ZNF324: variants seen among roughly 807,000 people sequenced by gnomAD.
ZNF324 encodes zinc finger protein 324A.
ZNF324 carries 3 observed loss-of-function variants against 10.3 expected under a neutral mutation model. The ratio of observed to expected loss-of-function variants is 0.29; its 90% confidence interval spans 0.13 to 0.75. The LOEUF (loss-of-function observed/expected upper bound fraction) is 0.75. Ranked by LOEUF, ZNF324 falls within the 30% of genes least tolerant of loss-of-function variation. The probability of loss-of-function intolerance (pLI) is 0.69; values close to 1 mark genes in which losing one functional copy is unlikely to be tolerated. For synonymous variants in ZNF324, 430 were observed against 339.5 expected (o/e 1.27, Z -2.93); for missense variants, 763 against 784.4 (o/e 0.97, Z 0.33).
In ZNF324 at chr19:58,472,440, T is replaced by A. The variant is rs1020499390; in HGVS notation, c.*286T>A. ...TTCAGAGCCAGTAGGAGGCCGACAG[T>A]CACAGCACTGCACTGTGGTGCGGCT... On this transcript the variant is annotated 3_prime_UTR_variant, in exon 4 of 4. Transcript: ENST00000196482. 2.1e-6 allele frequency: 1 copy of A among 478,382 alleles called. No individual in the cohort carries two copies. The highest frequency in any genetic ancestry group is 3.8e-6 in the Non-Finnish European group (1 of 266,618). 29.6% of individuals were successfully genotyped at this position (478,382 alleles called of 1,614,324 possible).
intron 1 of ZNF324, chr19:58,468,256 G>C: frequency 1.0e-6 from 1 of 985,270 alleles, no homozygotes; most frequent in Non-Finnish European, 1.2e-6. Flanking sequence ...GAATTGGACT[G>C]AGGAATGGGC....
At position 58,471,158 on chromosome 19, in the gene ZNF324, C is replaced by T. The variant is rs772337784; in HGVS notation, c.666C>T (p.His222=). ...DLEAAGGRGH[H]RMGAVWQEPH... Reference sequence around the variant, plus strand: ...AGGCTGCCGGCGGTCGGGGACATCACCGAATGGGTGCAGTTTGGCAGGAGC... The same window carrying T: ...AGGCTGCCGGCGGTCGGGGACATCATCGAATGGGTGCAGTTTGGCAGGAGC... The change falls in exon 4 of 4, where the codon CAC becomes CAT. Residue 222 remains histidine, a synonymous_variant. Coordinates refer to ENST00000196482, the MANE Select transcript of ZNF324 (RefSeq NM_014347.3). 16 of 1,613,804 alleles carry T rather than the reference C, an allele frequency of 9.9e-6. No homozygotes were observed. The highest frequency in any genetic ancestry group is 1.2e-5 in the Non-Finnish European group (14 of 1,180,036).
rs537059481 is a variant in ZNF324, at chr19:58,469,770, G to T, written c.164G>T (p.Arg55Leu). 1 of 1,594,204 alleles carries T rather than the reference G, an allele frequency of 6.3e-7. No individual in the cohort carries two copies. Among genetic ancestry groups the T allele is most frequent in the African/African-American group, 1.3e-5 (1 of 74,528 alleles). ...CCTCGTGTGGTCATCCAACTGGAGC[G>T]TGGCGAGGAGCCCTGGGTTCCCAGT... ...SRPRVVIQLERGEEPWVPSGT... is the reference protein window; with the variant it reads ...SRPRVVIQLELGEEPWVPSGT... The change falls in exon 3 of 4, where the codon CGT becomes CTT. Residue 55 changes from arginine to leucine, a missense_variant. By Grantham distance (102) the Arg-to-Leu change is moderately radical. Coordinates refer to ENST00000196482, the MANE Select transcript of ZNF324 (RefSeq NM_014347.3).
At chr19:58,468,427 G>A (rs1421158375) in intron 1 of ZNF324, among the ~76,000 whole-genome samples, 1 of 152,122 alleles carries the variant, frequency 6.6e-6, no homozygotes, top group Non-Finnish European at 1.5e-5. Flanking sequence ...AAGGGATTGA[G>A]TTCCTCTGTG....
chr19:58,471,228 C>A lies in ZNF324; in HGVS notation c.736C>A (p.Leu246Met). Residue 246 changes from leucine (L) to methionine (M), a missense_variant, in exon 4 of 4, where the codon CTG becomes ATG. Physicochemically the swap from Leu to Met is conservative, Grantham distance 15. Coordinates refer to ENST00000196482, the MANE Select transcript of ZNF324 (RefSeq NM_014347.3). The part of the protein sequence containing the change: ...GGQEPSTWDE[L>M]GEALHAGEKS... ...CCAGGAGCCCTCGACCTGGGACGAG[C>A]TGGGCGAGGCTCTTCACGCTGGGGA... 6.2e-7 allele frequency: 1 copy of A among 1,613,608 alleles called. No homozygotes were observed. Among genetic ancestry groups the A allele is most frequent in the Non-Finnish European group, 8.5e-7 (1 of 1,179,938 alleles).
At position 58,471,768 on chromosome 19, in the gene ZNF324, G is replaced by T. The variant is rs761664990; in HGVS notation, c.1276G>T (p.Ala426Ser). 2 of 1,612,820 alleles carry T rather than the reference G, an allele frequency of 1.2e-6. No individual in the cohort carries two copies. Among genetic ancestry groups the T allele is most frequent in the South Asian group, 2.2e-5 (2 of 91,054 alleles). Residue 426 changes from alanine to serine, a missense_variant, in exon 4 of 4, where the codon GCC becomes TCC. Around this residue, in one of 3 missense-constraint regions of ZNF324, gnomAD observed 231 missense variants for 196.0 expected, o/e 1.18. Transcript: ENST00000196482. ...QRVHTGEKPF[A>S]CPQCGRAFSH... ...CGTGCACACAGGCGAGAAGCCCTTC[G>T]CCTGCCCACAGTGCGGCCGCGCCTT...
chr19:58,472,068 GCAT>G lies in ZNF324; in HGVS notation c.1582_1584del (p.Ser528del). The G allele has an allele frequency of 6.2e-7, 1 of 1,603,802 alleles. No homozygotes were observed. Among genetic ancestry groups the G allele is most frequent in the South Asian group, 1.1e-5 (1 of 91,030 alleles). On this transcript the variant is annotated inframe_deletion, in exon 4 of 4. Coordinates refer to ENST00000196482, the MANE Select transcript of ZNF324 (RefSeq NM_014347.3). ...CCCCCAGGCCAGGTCTGTTGCCGGG[GCAT>G]CATCAGAAGGTGCGCCAGCGAAGGA...
chr19:58,470,553 C>A, intron 3 of ZNF324, 178 bp from the exon 4 acceptor site: 1 of 765,358 alleles, frequency 1.3e-6, no homozygotes, highest in Non-Finnish European at 2.3e-6. Flanking sequence ...CAGTGCCATA[C>A]CTATCAGGGC....
At chr19:58,470,364 G>T (rs1191873717) in intron 3 of ZNF324, among the ~76,000 whole-genome samples, 3 of 150,042 alleles carry the variant, frequency 2.0e-5, no homozygotes, top group Admixed American at 1.3e-4. Context: ...GCAGGTTGGG[G>T]AGTGGGTGCC....
Position 58,470,879 on chromosome 19 carries a change from C to T in ZNF324, c.387C>T (p.Ser129=). ...GCCTGCAGAGACAACGGGGTGCCTC[C>T]CCATCTCGGGAGAGAAAACCCACGG... The part of the protein sequence containing the change: ...VKSLQRQRGA[S]PSRERKPTGV... The change falls in exon 4 of 4, where the codon TCC becomes TCT. Residue 129 remains serine, a synonymous_variant. Coordinates refer to ENST00000196482, the MANE Select transcript of ZNF324 (RefSeq NM_014347.3). The T allele has an allele frequency of 6.2e-7, 1 of 1,614,260 alleles. No individual in the cohort carries two copies. The highest frequency in any genetic ancestry group is 2.2e-5 in the East Asian group (1 of 44,888).
rs755183892 is a variant in ZNF324, at chr19:58,472,045, C to T, written c.1553C>T (p.Pro518Leu). ...TVRRSRASLH[P>L]QARSVAGASS... ...CGGCGATCCAGGGCCAGCCTGCACC[C>T]CCAGGCCAGGTCTGTTGCCGGGGCA... is the stretch of plus-strand genomic sequence containing the variant. Residue 518 changes from proline to leucine, a missense_variant, in exon 4 of 4, where the codon CCC (proline) becomes CTC (leucine). By Grantham distance (98) the Pro-to-Leu change is moderately conservative. Around this residue, in one of 3 missense-constraint regions of ZNF324, gnomAD observed 231 missense variants for 196.0 expected, o/e 1.18. Transcript: ENST00000196482. The T allele has an allele frequency of 6.2e-7, 1 of 1,606,442 alleles. No individual in the cohort carries two copies. Among genetic ancestry groups the T allele is most frequent in the South Asian group, 1.1e-5 (1 of 91,076 alleles).
rs1160509254 is a variant in ZNF324, at chr19:58,472,371, CAG to C, written c.*218_*219del. On this transcript the variant is annotated 3_prime_UTR_variant, in exon 4 of 4. Coordinates refer to ENST00000196482, the MANE Select transcript of ZNF324 (RefSeq NM_014347.3). ...CAAAGAGGTAGCACTGCAGCAACAT[CAG>C]GGGGAGGACGTGGTGGCTGAACTCT... is the stretch of plus-strand genomic sequence containing the variant. The C allele has an allele frequency of 3.1e-5, 18 of 573,960 alleles. No individual in the cohort carries two copies. Among genetic ancestry groups the C allele is most frequent in the Middle Eastern group, 4.6e-4 (1 of 2,190 alleles). 35.6% of individuals were successfully genotyped at this position (573,960 alleles called of 1,614,324 possible).
chr19:58,471,028 TCA>T lies in ZNF324; in HGVS notation c.539_540del (p.Thr180ArgfsTer13). The T allele has an allele frequency of 6.2e-7, 1 of 1,614,026 alleles. No homozygotes were observed. The highest frequency in any genetic ancestry group is 8.5e-7 in the Non-Finnish European group (1 of 1,180,026). The stretch of plus-strand genomic sequence containing the variant: ...GGCGTCCGGCTTAGAGAAAAGACAC[TCA>T]CAGAGCATGCGTTGCTGGGGAGGCA... On this transcript the variant is annotated frameshift_variant, in exon 4 of 4. Transcript: ENST00000196482. LOFTEE classifies it low-confidence loss of function (END_TRUNC).
Position 58,469,708 on chromosome 19 carries a change from C to G in ZNF324, c.122-20C>G. The G allele has an allele frequency of 6.4e-7, 1 of 1,555,240 alleles. No individual in the cohort carries two copies. Among genetic ancestry groups the G allele is most frequent in the Non-Finnish European group, 8.7e-7 (1 of 1,146,730 alleles). Reference sequence around the variant, plus strand: ...ATCTTGAGCTGGGGCTGGACTCTAACCTGCACCTCCTCCTCACAGGACTCT... The same window carrying G: ...ATCTTGAGCTGGGGCTGGACTCTAAGCTGCACCTCCTCCTCACAGGACTCT... On this transcript the variant is annotated intron_variant, in intron 2 of 3. Coordinates refer to ENST00000196482, the MANE Select transcript of ZNF324 (RefSeq NM_014347.3).
rs1487298015 is a variant in ZNF324, at chr19:58,472,330, A to C, written c.*176A>C. 17 of 657,970 alleles carry C rather than the reference A, an allele frequency of 2.6e-5. No individual in the cohort carries two copies. Among genetic ancestry groups the C allele is most frequent in the African/African-American group, 5.4e-5 (3 of 55,050 alleles). 40.8% of individuals were successfully genotyped at this position (657,970 alleles called of 1,614,324 possible). Reference sequence around the variant, plus strand: ...ACAGGATTTGCCAGTTCACCCACAGATCACACCTCCATCCCCAAAGAGGTA... The same window carrying C: ...ACAGGATTTGCCAGTTCACCCACAGCTCACACCTCCATCCCCAAAGAGGTA... On this transcript the variant is annotated 3_prime_UTR_variant, in exon 4 of 4. Coordinates refer to ENST00000196482, the MANE Select transcript of ZNF324 (RefSeq NM_014347.3).
chr19:58,475,163 A>G lies in ZNF324; in HGVS notation c.*3009A>G, dbSNP rs1311959474. 1.3e-5 allele frequency: 2 copies of G among 152,140 alleles called. No homozygotes were observed. Among genetic ancestry groups the G allele is most frequent in the African/African-American group, 4.8e-5 (2 of 41,418 alleles). The allele number at this position is 152,140 out of a possible 1,614,324, so 9.4% of individuals were successfully genotyped here. ...AGCTCCGAGTTGACAAGTCTCATCC[A>G]CGCACATGCTCGGTGCTTCCAATCG... On this transcript the variant is annotated 3_prime_UTR_variant, in exon 4 of 4. Transcript: ENST00000196482.
chr19:58,472,172 C>T lies in ZNF324; in HGVS notation c.*18C>T, dbSNP rs1407636827. The T allele has an allele frequency of 5.2e-6, 8 of 1,549,352 alleles. No homozygotes were observed. Among genetic ancestry groups the T allele is most frequent in the African/African-American group, 1.4e-5 (1 of 73,786 alleles). ...AGGTCTGAGGTCACAGGTTGCAGCC[C>T]TGGCCTTCTGTGAATCCCTTCCACA... is the stretch of plus-strand genomic sequence containing the variant. On this transcript the variant is annotated 3_prime_UTR_variant, in exon 4 of 4. Transcript: ENST00000196482.
rs750517088 is a variant in ZNF324 at position 58,472,195 on chromosome 19, A to G, written c.*41A>G. 2 of 1,520,112 alleles carry G rather than the reference A, an allele frequency of 1.3e-6. No individual in the cohort carries two copies. The highest frequency in any genetic ancestry group is 1.8e-6 in the Non-Finnish European group (2 of 1,133,136). The allele number at this position is 1,520,112 out of a possible 1,614,324, so 94.2% of individuals were successfully genotyped here. A position where few individuals can be genotyped will look rare whatever the true frequency, so the allele number is the denominator to read the frequency against. Reference sequence around the variant, plus strand: ...CCCTGGCCTTCTGTGAATCCCTTCCACAGCTAAAGGGCATATGTCCTCTGC... The same window carrying G: ...CCCTGGCCTTCTGTGAATCCCTTCCGCAGCTAAAGGGCATATGTCCTCTGC... On this transcript the variant is annotated 3_prime_UTR_variant, in exon 4 of 4. Transcript: ENST00000196482.
In ZNF324 at chr19:58,471,281, C is replaced by T. The variant is rs754455278; in HGVS notation, c.789C>T (p.Ser263=). The T allele has an allele frequency of 1.9e-6, 3 of 1,613,726 alleles. No homozygotes were observed. The highest frequency in any genetic ancestry group is 2.5e-6 in the Non-Finnish European group (3 of 1,179,964). ...GEKSFECRAC[S]KVFVKSSDLL... ...AGTCCTTCGAATGCAGGGCGTGCAG[C>T]AAAGTGTTCGTGAAGAGCTCCGACC... The change falls in exon 4 of 4, where the codon AGC becomes AGT. Residue 263 remains serine (S), a synonymous_variant. Transcript: ENST00000196482.
Sources: allele counts gnomAD v4.1 joint callset (sites outside exome capture counted in the v4.1 genomes callset), GRCh38; gene constraint gnomAD v4.1.1; regional missense constraint gnomAD v4.1.1; transcripts MANE v1.5; gene names NCBI Gene and HGNC (gene_info 2026-07-23, HGNC 2026-07-21).